Variants in RPS6KC1 observed in about 807,000 individuals in gnomAD.
RPS6KC1 encodes inactive ribosomal protein S6 kinase delta-1.
In RPS6KC1, 54 loss-of-function variants were observed where a neutral mutation model predicts 103.8. That is an observed-to-expected ratio of 0.52 (90% CI 0.42 to 0.65). The LOEUF is 0.65. Among genes scored for constraint, RPS6KC1 ranks in the 30% least tolerant of loss-of-function variants. RPS6KC1 has a pLI of 0.00. For missense variants in RPS6KC1, 1,151 were observed against 1,253.8 expected, an observed-to-expected ratio of 0.92 and a Z score of 1.24; for synonymous variants, 439 against 438.7, an observed-to-expected ratio of 1.00 and a Z score of -0.01.
chr1:213,607,760 T>G, the RPS6KC1 span, among the ~76,000 whole-genome samples: 1 of 152,138 alleles, frequency 6.6e-6, no homozygotes, highest in African/African-American at 2.4e-5. Flanking sequence ...TTTCTTTCCT[T>G]ATCTCAACTT....
intron 6 of RPS6KC1, among the ~76,000 whole-genome samples, chr1:213,155,664 C>CTT (rs1048160156): frequency 2.0e-5 from 3 of 151,332 alleles, no homozygotes; most frequent in Non-Finnish European, 4.4e-5. Context: ...TTCGGGACTG[C>CTT]TTTTTTTTTG....
chr1:213,112,064 A>G (rs143853390), intron 4 of RPS6KC1, among the ~76,000 whole-genome samples: 224 of 152,326 alleles, frequency 1.5e-3, no homozygotes, highest in Non-Finnish European at 2.7e-3. Context: ...TGTTCCTTAA[A>G]AACAAGCTGA....
At chr1:213,164,328 C>T (rs2148124128) in intron 6 of RPS6KC1, among the ~76,000 whole-genome samples, 1 of 152,148 alleles carries the variant, frequency 6.6e-6, no homozygotes, top group East Asian at 1.9e-4. Context: ...AGAAACACAG[C>T]ATGGGTAATT....
the RPS6KC1 span, among the ~76,000 whole-genome samples, chr1:213,471,373 T>C: frequency 6.6e-6 from 1 of 152,168 alleles, no homozygotes; most frequent in Non-Finnish European, 1.5e-5. Context: ...AAATCCAGAA[T>C]CCCAAATGTC....
the RPS6KC1 span, among the ~76,000 whole-genome samples, chr1:213,416,137 T>G: frequency 6.6e-6 from 1 of 152,166 alleles, no homozygotes; most frequent in African/African-American, 2.4e-5. Context: ...CTCCCACGCA[T>G]GCACCCGGCA....
chr1:213,715,166 A>G, the RPS6KC1 span, among the ~76,000 whole-genome samples: 1 of 152,210 alleles, frequency 6.6e-6, no homozygotes, highest in African/African-American at 2.4e-5. Flanking sequence ...GGACAATTGT[A>G]AAGAAGTCGG....
downstream of RPS6KC1, among the ~76,000 whole-genome samples, chr1:213,275,202 A>C (rs2095109795): frequency 6.6e-6 from 1 of 152,214 alleles, no homozygotes; most frequent in Non-Finnish European, 1.5e-5. Flanking sequence ...TTAGCCATTC[A>C]TCTGTCAGTA....
At chr1:213,516,375 A>G in the RPS6KC1 span, among the ~76,000 whole-genome samples, 1 of 152,216 alleles carries the variant, frequency 6.6e-6, no homozygotes, top group African/African-American at 2.4e-5. Context: ...TTTGTCATAG[A>G]TAGCTCTTAT....
chr1:213,200,978 G>A (rs1015928487), intron 8 of RPS6KC1, among the ~76,000 whole-genome samples: 3 of 152,150 alleles, frequency 2.0e-5, no homozygotes, highest in African/African-American at 7.2e-5. Flanking sequence ...AGAGGGTGGC[G>A]GGTGGGAGGA....
chr1:213,747,340 A>G, the RPS6KC1 span, among the ~76,000 whole-genome samples: 1 of 152,188 alleles, frequency 6.6e-6, no homozygotes, highest in Non-Finnish European at 1.5e-5. Context: ...TGCCCTGGAC[A>G]TGAGCAGTTT....
intron 12 of RPS6KC1, among the ~76,000 whole-genome samples, chr1:213,252,713 G>A (rs999792722): frequency 6.6e-6 from 1 of 151,882 alleles, no homozygotes; most frequent in Non-Finnish European, 1.5e-5. Flanking sequence ...TTATTATTTT[G>A]AGAAAAAATC....
At chr1:213,632,400 A>G in the RPS6KC1 span, among the ~76,000 whole-genome samples, 8 of 152,196 alleles carry the variant, frequency 5.3e-5, no homozygotes, top group African/African-American at 1.9e-4. Context: ...ACCCAGGCAA[A>G]CGGGGTCTGG....
chr1:213,782,548 G>A, the RPS6KC1 span, among the ~76,000 whole-genome samples: 1 of 152,068 alleles, frequency 6.6e-6, no homozygotes, highest in African/African-American at 2.4e-5. Context: ...TCCAAAGCAA[G>A]CAGTTAAAAA....
chr1:213,497,333 T>A, the RPS6KC1 span, among the ~76,000 whole-genome samples: 1 of 152,056 alleles, frequency 6.6e-6, no homozygotes, highest in Non-Finnish European at 1.5e-5. Context: ...CAGGCTGTTT[T>A]CTGTGACCAT....
the RPS6KC1 span, among the ~76,000 whole-genome samples, chr1:213,777,708 T>C: frequency 6.6e-6 from 1 of 152,362 alleles, no homozygotes; most frequent in East Asian, 1.9e-4. Flanking sequence ...GAAGTATGCC[T>C]GTATAGCAAT....
the RPS6KC1 span, among the ~76,000 whole-genome samples, chr1:213,474,559 A>G: frequency 6.6e-6 from 1 of 152,142 alleles, no homozygotes; most frequent in Admixed American, 6.5e-5. Context: ...CACAGTAGGT[A>G]TTTCTGTTTG....
the RPS6KC1 span, among the ~76,000 whole-genome samples, chr1:213,577,485 G>A: frequency 6.6e-6 from 1 of 152,236 alleles, no homozygotes; most frequent in South Asian, 2.1e-4. Flanking sequence ...AACAGGCAGA[G>A]GTTGGAACAG....
chr1:213,691,817 C>T, the RPS6KC1 span, among the ~76,000 whole-genome samples: 1 of 152,056 alleles, frequency 6.6e-6, no homozygotes, highest in African/African-American at 2.4e-5. Flanking sequence ...ATCAGGACTC[C>T]AGTCTTAATG....
At chr1:213,314,253 C>T in the RPS6KC1 span, among the ~76,000 whole-genome samples, 10 of 152,156 alleles carry the variant, frequency 6.6e-5, no homozygotes, top group Non-Finnish European at 1.3e-4. Context: ...TTCCAATGAC[C>T]TCATCTTAAC....
Sources: gnomAD v4.1 joint callset for allele counts (sites outside exome capture counted in the v4.1 genomes callset) on GRCh38, gnomAD v4.1.1 for gene constraint, MANE v1.5 for transcripts, NCBI Gene and HGNC (gene_info 2026-07-23, HGNC 2026-07-21) for gene names.